EDA: variants seen among roughly 807,000 people sequenced by gnomAD.
EDA encodes ectodysplasin-A.
Under a neutral mutation model 23.6 loss-of-function variants are expected in EDA, and 2 were observed. The ratio of observed to expected loss-of-function variants is 0.08; its 90% confidence interval spans 0.03 to 0.27. The LOEUF (loss-of-function observed/expected upper bound fraction) is 0.27. Among genes scored for constraint, EDA ranks in the 10% least tolerant of loss-of-function variants. EDA has a pLI of 1.00. For synonymous variants in EDA, 131 were observed against 132.0 expected (o/e 0.99, Z 0.05); for missense variants, 229 against 324.2 (o/e 0.71, Z 2.26).
intron 1 of EDA, among the ~76,000 whole-genome samples, chrX:69,810,107 A>T (rs1273860387): frequency 6.6e-5 from 7 of 105,377 alleles, no homozygotes; most frequent in African/African-American, 2.4e-4. Context: ...TAAATACAAA[A>T]ATTAGCTGGG....
chrX:69,822,156 A>G, intron 1 of EDA, among the ~76,000 whole-genome samples: 1 of 110,603 alleles, frequency 9.0e-6, no homozygotes, highest in Admixed American at 9.8e-5. Flanking sequence ...ATGGTGGTGC[A>G]CGCCTGTAGT....
intron 2 of EDA, among the ~76,000 whole-genome samples, chrX:70,012,448 T>G (rs1313544782): frequency 8.9e-6 from 1 of 111,737 alleles, no homozygotes; most frequent in Admixed American, 9.5e-5. Context: ...GCAGTGAACA[T>G]GGTAGAGACA....
chrX:69,691,928 T>C (rs1934719401), intron 1 of EDA, among the ~76,000 whole-genome samples: 1 of 112,117 alleles, frequency 8.9e-6, no homozygotes, highest in South Asian at 3.7e-4. Context: ...AGGATTTATA[T>C]TCTCTCTTTC....
At chrX:69,670,184 T>TTTTTTG (rs376186911) in intron 1 of EDA, 4 of 122,978 alleles carry the variant, frequency 3.3e-5, no homozygotes, top group Non-Finnish European at 5.5e-5. Flanking sequence ...TGGCTGACTG[T>TTTTTTG]TTTTTTTTTT....
At chrX:69,669,412 T>A (rs1265426508) in intron 1 of EDA, among the ~76,000 whole-genome samples, 2 of 111,305 alleles carry the variant, frequency 1.8e-5, no homozygotes, top group Non-Finnish European at 3.8e-5. Flanking sequence ...GAACTTTGAG[T>A]CCTCTCTGTT....
At chrX:69,735,790 A>G (rs2147365641) in intron 1 of EDA, among the ~76,000 whole-genome samples, 1 of 111,931 alleles carries the variant, frequency 8.9e-6, no homozygotes, top group African/African-American at 3.2e-5. Context: ...ATCAGAGCCA[A>G]TCAGTTCCAC....
intron 1 of EDA, among the ~76,000 whole-genome samples, chrX:69,946,727 T>C (rs1001815561): frequency 4.5e-5 from 5 of 111,307 alleles, no homozygotes; most frequent in African/African-American, 6.5e-5. Flanking sequence ...TTCATATTTA[T>C]CTAGAATGTT....
At chrX:69,685,413 C>T (rs1934509677) in intron 1 of EDA, among the ~76,000 whole-genome samples, 1 of 111,226 alleles carries the variant, frequency 9.0e-6, no homozygotes, top group Non-Finnish European at 1.9e-5. Context: ...CTGATAATAT[C>T]TGGGCCTTTA....
intron 1 of EDA, among the ~76,000 whole-genome samples, chrX:69,733,175 C>T (rs1361980467): frequency 1.8e-5 from 2 of 110,749 alleles, no homozygotes; most frequent in Non-Finnish European, 3.8e-5. Flanking sequence ...AGTCCTTGCC[C>T]ATGCCTATGT....
At chrX:69,845,765 T>C (rs1449790711) in intron 1 of EDA, among the ~76,000 whole-genome samples, 1 of 111,769 alleles carries the variant, frequency 8.9e-6, no homozygotes, top group Non-Finnish European at 1.9e-5. Flanking sequence ...ATATTTGTAC[T>C]GAGGGAAGCC....
At chrX:69,895,792 G>C (rs1354494585) in intron 1 of EDA, among the ~76,000 whole-genome samples, 1 of 111,320 alleles carries the variant, frequency 9.0e-6, no homozygotes, top group Non-Finnish European at 1.9e-5. Flanking sequence ...TTGTTCTGTG[G>C]CTAGTTCTGA....
chrX:69,974,933 A>T (rs899077790), intron 2 of EDA, among the ~76,000 whole-genome samples: 5 of 112,106 alleles, frequency 4.5e-5, no homozygotes, highest in African/African-American at 1.6e-4. Context: ...CACACCAGTC[A>T]GAATGGCTTT....
At chrX:69,840,827 C>A (rs898892393) in intron 1 of EDA, among the ~76,000 whole-genome samples, 1 of 111,897 alleles carries the variant, frequency 8.9e-6, no homozygotes, top group South Asian at 3.7e-4. Context: ...CATTCTCTGG[C>A]AGGCAGAAAC....
chrX:69,649,634 T>C (rs1482082919), intron 1 of EDA, among the ~76,000 whole-genome samples: 1 of 107,907 alleles, frequency 9.3e-6, no homozygotes, highest in Non-Finnish European at 1.9e-5. Context: ...TCACCCAGGC[T>C]GGAGTGCAGT....
At chrX:69,640,209 G>A (rs1352991366) in intron 1 of EDA, among the ~76,000 whole-genome samples, 1 of 111,119 alleles carries the variant, frequency 9.0e-6, no homozygotes, top group Non-Finnish European at 1.9e-5. Flanking sequence ...GCTTCATGAG[G>A]GCTGACATTT....
chrX:70,014,888 A>G, intron 2 of EDA, among the ~76,000 whole-genome samples: 1 of 112,348 alleles, frequency 8.9e-6, no homozygotes, highest in Non-Finnish European at 1.9e-5. Flanking sequence ...TAAAAGAACG[A>G]GCAAAACCTC....
At chrX:69,662,187 A>G (rs1933532952) in intron 1 of EDA, among the ~76,000 whole-genome samples, 1 of 111,572 alleles carries the variant, frequency 9.0e-6, no homozygotes, top group Non-Finnish European at 1.9e-5. Flanking sequence ...ATATGTTTGA[A>G]TTTTTAAGAT....
chrX:69,703,926 A>C (rs1204390371), intron 1 of EDA, among the ~76,000 whole-genome samples: 1 of 112,321 alleles, frequency 8.9e-6, no homozygotes, highest in African/African-American at 3.2e-5. Flanking sequence ...TACTGTGCCT[A>C]ATTTATAAGC....
intron 1 of EDA, among the ~76,000 whole-genome samples, chrX:69,929,653 G>A (rs1482535982): frequency 1.9e-5 from 2 of 107,861 alleles, no homozygotes; most frequent in African/African-American, 6.8e-5. Context: ...GAATCTTCCT[G>A]GAGTGTAGAT....
Sources: allele counts gnomAD v4.1 joint callset (sites outside exome capture counted in the v4.1 genomes callset), GRCh38; gene constraint gnomAD v4.1.1; transcripts MANE v1.5; gene names NCBI Gene and HGNC (gene_info 2026-07-23, HGNC 2026-07-21).